Variants in SZRD1 observed in about 807,000 individuals in gnomAD.
The protein encoded by SZRD1 is SUZ RNA-binding domain-containing.
In SZRD1, 7 loss-of-function variants were observed where a neutral mutation model predicts 17.6. The ratio of observed to expected loss-of-function variants is 0.40; its 90% confidence interval spans 0.23 to 0.75. The LOEUF is 0.75. Among genes scored for constraint, SZRD1 ranks in the 30% least tolerant of loss-of-function variants. The pLI is 0.38. For missense variants in SZRD1, 178 were observed against 201.8 expected, an observed-to-expected ratio of 0.88 and a Z score of 0.71; for synonymous variants, 77 against 77.9, an observed-to-expected ratio of 0.99 and a Z score of 0.06.
intron 1 of SZRD1, among the ~76,000 whole-genome samples, chr1:16,375,876 A>G (rs2082995522): frequency 6.6e-6 from 1 of 152,202 alleles, no homozygotes; most frequent in South Asian, 2.1e-4. Context: ...GACCTTGAGA[A>G]CAATTCCCAG....
chr1:16,394,850 T>A (rs748702855), intron 3 of SZRD1, among the ~76,000 whole-genome samples, 188 bp from the exon 4 acceptor site: 1 of 151,992 alleles, frequency 6.6e-6, no homozygotes, highest in Non-Finnish European at 1.5e-5. Flanking sequence ...AGCTACTCGG[T>A]AGGCTGAGGT....
intron 1 of SZRD1, among the ~76,000 whole-genome samples, chr1:16,379,540 G>C (rs933481240): frequency 6.0e-4 from 92 of 152,320 alleles, no homozygotes; most frequent in African/African-American, 2.2e-3. Flanking sequence ...AAGGGAGGAC[G>C]TAATACCTGT....
chr1:16,383,206 T>G (rs376305808), intron 1 of SZRD1, among the ~76,000 whole-genome samples: 1 of 151,908 alleles, frequency 6.6e-6, no homozygotes, highest in Non-Finnish European at 1.5e-5. Context: ...CCTTCTTGCT[T>G]GCTTCTTTCC....
rs2085218595 is a variant in SZRD1, at chr1:16,391,331, G to T, written c.52-44G>T. On this transcript the variant is annotated intron_variant, in intron 1 of 3. Transcript: ENST00000401088. This position sits in a 1 kb window ranked among gnomAD's most constrained non-coding sequence, Gnocchi z 4.3. The stretch of plus-strand genomic sequence containing the variant: ...AAAAATAAAGACTAAGTTTTTATTT[G>T]AGAGAGATTTTTTCCTCTTTTTATA... 1 of 1,398,502 alleles carries T rather than the reference G, an allele frequency of 7.2e-7. No homozygotes were observed. The highest frequency in any genetic ancestry group is 1.2e-5 in the South Asian group (1 of 80,038). The allele number at this position is 1,398,502 out of a possible 1,614,324, so 86.6% of individuals were successfully genotyped here.
At chr1:16,367,434 G>A in intron 1 of SZRD1, 126 bp downstream of exon 1, 1 of 876,906 alleles carries the variant, frequency 1.1e-6, no homozygotes, top group Non-Finnish European at 1.7e-6. Context: ...GGGGGTGGTG[G>A]AGAGGCCCCC....
chr1:16,377,203 A>G (rs2083019163), intron 1 of SZRD1, among the ~76,000 whole-genome samples: 1 of 152,150 alleles, frequency 6.6e-6, no homozygotes. Context: ...TTAAAGTGAA[A>G]TCTGGTGGAT....
Position 16,396,130 on chromosome 1 carries a change from T to C in SZRD1, c.*990T>C, listed in dbSNP as rs1215152548. ...AGTGACGGAGAGAAGACTTGTTTAG[T>C]ATTTTGCCATCAGCACAAGGAAAAC... On this transcript the variant is annotated 3_prime_UTR_variant, in exon 4 of 4. Transcript: ENST00000401088. The C allele has an allele frequency of 1.3e-5, 2 of 152,592 alleles. No individual in the cohort carries two copies. Among genetic ancestry groups the C allele is most frequent in the Non-Finnish European group, 2.9e-5 (2 of 68,050 alleles). 9.5% of individuals were successfully genotyped at this position (152,592 alleles called of 1,614,324 possible). A position where few individuals can be genotyped will look rare whatever the true frequency, so the allele number is the denominator to read the frequency against.
intron 1 of SZRD1, among the ~76,000 whole-genome samples, chr1:16,372,301 C>T (rs1247853202): frequency 6.6e-6 from 1 of 151,936 alleles, no homozygotes; most frequent in African/African-American, 2.4e-5. Context: ...GGTGAAACCC[C>T]GTCTCTATTA....
intron 1 of SZRD1, among the ~76,000 whole-genome samples, chr1:16,370,096 G>C (rs2082887787): frequency 6.6e-6 from 1 of 152,144 alleles, no homozygotes; most frequent in Non-Finnish European, 1.5e-5. Context: ...TCACACAGCT[G>C]GGGGAAGCTG....
chr1:16,370,684 T>C (rs1047029346), intron 1 of SZRD1, among the ~76,000 whole-genome samples: 1 of 152,162 alleles, frequency 6.6e-6, no homozygotes, highest in African/African-American at 2.4e-5. Flanking sequence ...TTTCCCAGGC[T>C]GAAGTGCAGT....
rs190277081 is a variant in SZRD1 at position 16,391,597 on chromosome 1, G to A, written c.101+173G>A. On this transcript the variant is annotated intron_variant, in intron 2 of 3. Coordinates refer to ENST00000401088, the MANE Select transcript of SZRD1 (RefSeq NM_001114600.3). The surrounding 1 kb of genome is among the most constrained non-coding windows in gnomAD (Gnocchi z 4.3). ...CAGGACGTGGTGGCTTGAGGCTTTA[G>A]GGTTGAGGCTGGGGTGTTGCACCTG... is the stretch of plus-strand genomic sequence containing the variant. 3.0e-4 allele frequency among the ~76,000 whole-genome samples: 45 copies of A among 152,252 alleles called. No homozygotes were observed. The highest frequency in any genetic ancestry group is 1.0e-3 in the African/African-American group (43 of 41,558).
rs2100750702 is a variant in SZRD1 at position 16,393,260 on chromosome 1, T to C, written c.134T>C (p.Ile45Thr). 1.2e-6 allele frequency: 2 copies of C among 1,614,142 alleles called. No individual in the cohort carries two copies. The highest frequency in any genetic ancestry group is 1.3e-5 in the African/African-American group (1 of 75,032). Residue 45 changes from isoleucine to threonine, a missense_variant, in exon 3 of 4, where the codon ATT (isoleucine) becomes ACT (threonine). Physicochemically the swap from Ile to Thr is moderately conservative, Grantham distance 89. This residue lies in a region of SZRD1 where 117 missense variants were observed against 108.7 expected (regional missense o/e 1.08). Transcript: ENST00000401088. This position sits in a 1 kb window ranked among gnomAD's most constrained non-coding sequence, Gnocchi z 5.6. ...TCCAAATCTCCTCCCAAAGTGCCCA[T>C]TGTGATTCAGGACGATAGCCTTCCC... ...RKSKSPPKVP[I>T]VIQDDSLPAG...
At chr1:16,383,172 C>T (rs1162039525) in intron 1 of SZRD1, among the ~76,000 whole-genome samples, 2 of 151,114 alleles carry the variant, frequency 1.3e-5, no homozygotes, top group Non-Finnish European at 2.9e-5. Flanking sequence ...TTCTTTCTTT[C>T]TTTCTCTCCT....
intron 1 of SZRD1, chr1:16,387,240 G>C (rs1024711855): frequency 6.6e-6 from 3 of 452,604 alleles, no homozygotes; most frequent in African/African-American, 6.0e-5. Flanking sequence ...CTCTTGAAGC[G>C]CTTTTCTTCC....
intron 1 of SZRD1, among the ~76,000 whole-genome samples, chr1:16,369,977 C>A (rs1215416356): frequency 6.6e-6 from 1 of 151,414 alleles, no homozygotes; most frequent in African/African-American, 2.4e-5. Flanking sequence ...AATGCAGGTT[C>A]TCTAATATAT....
Position 16,391,150 on chromosome 1 carries a change from A to G in SZRD1, c.52-225A>G, listed in dbSNP as rs777043317. 6.6e-6 allele frequency among the ~76,000 whole-genome samples: 1 copy of G among 152,156 alleles called. No homozygotes were observed. The highest frequency in any genetic ancestry group is 1.5e-5 in the Non-Finnish European group (1 of 68,032). The stretch of plus-strand genomic sequence containing the variant: ...GCTATGCAAAGAACCCAGCTGAACA[A>G]TGAGGTTTAGAACTGTCATGGCGGC... On this transcript the variant is annotated intron_variant, in intron 1 of 3. Transcript: ENST00000401088. The surrounding 1 kb of genome is among the most constrained non-coding windows in gnomAD (Gnocchi z 4.3).
chr1:16,376,062 C>T (rs765360415), intron 1 of SZRD1, among the ~76,000 whole-genome samples: 3 of 152,156 alleles, frequency 2.0e-5, no homozygotes, highest in Non-Finnish European at 2.9e-5. Flanking sequence ...CTGCCTACAG[C>T]CCAGGGGGAG....
chr1:16,382,315 G>A (rs1410524038), intron 1 of SZRD1, among the ~76,000 whole-genome samples: 1 of 151,460 alleles, frequency 6.6e-6, no homozygotes, highest in East Asian at 2.0e-4. Flanking sequence ...AGCCTCCTGA[G>A]TAGCTGGGAC....
intron 3 of SZRD1, among the ~76,000 whole-genome samples, chr1:16,394,459 G>T (rs543781788): frequency 2.0e-5 from 3 of 152,276 alleles, no homozygotes; most frequent in East Asian, 3.9e-4. Flanking sequence ...TGGGCAGAGT[G>T]GGCCCTCAAG....
Sources: allele counts gnomAD v4.1 joint callset (sites outside exome capture counted in the v4.1 genomes callset), GRCh38; gene constraint gnomAD v4.1.1; regional missense constraint gnomAD v4.1.1; non-coding constraint Gnocchi (gnomAD v3.1); transcripts MANE v1.5; gene names NCBI Gene and HGNC (gene_info 2026-07-23, HGNC 2026-07-21).